ZMYND19: variants seen among roughly 807,000 people sequenced by gnomAD.
ZMYND19 encodes zinc finger MYND-type containing 19.
ZMYND19 carries 17 observed loss-of-function variants against 32.0 expected under a neutral mutation model. The ratio of observed to expected loss-of-function variants is 0.53; its 90% CI spans 0.36 to 0.80. ZMYND19 has a LOEUF of 0.80. Ranked by LOEUF, ZMYND19 falls within the 30% of genes least tolerant of loss-of-function variation. The pLI is 0.00. For missense variants in ZMYND19, 250 were observed against 293.6 expected, an observed-to-expected ratio of 0.85 and a Z score of 1.09; for synonymous variants, 124 against 113.6, an observed-to-expected ratio of 1.09 and a Z score of -0.58.
At chr9:137,588,063 A>G (rs1252943335) in intron 2 of ZMYND19, among the ~76,000 whole-genome samples, 3 of 152,222 alleles carry the variant, frequency 2.0e-5, no homozygotes, top group African/African-American at 7.2e-5. Context: ...GCAAAATACA[A>G]TGGGACATAG....
intron 3 of ZMYND19, 160 bp from the exon 4 acceptor site, chr9:137,587,267 C>A: frequency 8.1e-7 from 1 of 1,235,008 alleles, no homozygotes; most frequent in Non-Finnish European, 1.1e-6. Context: ...CAGGCGGAAG[C>A]TGCTGAGAGA....
chr9:137,586,883 G>A, intron 4 of ZMYND19, 84 bp downstream of exon 4: 1 of 1,561,556 alleles, frequency 6.4e-7, no homozygotes, highest in Non-Finnish European at 8.7e-7. Flanking sequence ...AGGAACAGGA[G>A]ACCCTCTTGG....
chr9:137,587,396 C>T (rs1842217859), intron 3 of ZMYND19: 1 of 595,230 alleles, frequency 1.7e-6, no homozygotes, highest in Non-Finnish European at 3.0e-6. Flanking sequence ...CAGATGGCCT[C>T]GAGACAGCTC....
At chr9:137,584,055 G>T (rs1385166281) in intron 4 of ZMYND19, among the ~76,000 whole-genome samples, 3 of 152,212 alleles carry the variant, frequency 2.0e-5, no homozygotes, top group Non-Finnish European at 4.4e-5. Flanking sequence ...ACCACAAAGA[G>T]CTGGATCACA....
rs1842160379 is a variant in ZMYND19 at position 137,582,662 on chromosome 9, G to A, written c.565C>T (p.Arg189Cys). The change falls in exon 6 of 6, where the codon CGC becomes TGC. Residue 189 changes from arginine (R) to cysteine (C), a missense_variant. Coordinates refer to ENST00000298585, the MANE Select transcript of ZMYND19 (RefSeq NM_138462.3). ...KQLREFNICGRCQVARYCGSQ... is the reference protein window; with the variant it reads ...KQLREFNICGCCQVARYCGSQ... ...CCGCAGTACCGGGCCACCTGGCAGC[G>A]CCCACAGATGTTGAACTCCCGGAGC... is the stretch of plus-strand genomic sequence containing the variant. 1.9e-6 allele frequency: 3 copies of A among 1,612,964 alleles called. No individual in the cohort carries two copies. The highest frequency in any genetic ancestry group is 1.3e-5 in the African/African-American group (1 of 74,948).
intron 1 of ZMYND19, chr9:137,589,042 G>A (rs924201246): frequency 9.9e-6 from 3 of 303,864 alleles, no homozygotes; most frequent in Admixed American, 4.6e-5. Context: ...ATAAACCTAG[G>A]CAAAGACTGT....
intron 3 of ZMYND19, 30 bp downstream of exon 3, chr9:137,587,687 G>T: frequency 6.3e-7 from 1 of 1,591,312 alleles, no homozygotes. Context: ...GCCCAGTGGC[G>T]GGGGGCAGAG....
rs1842160224 is a variant in ZMYND19, at chr9:137,582,647, G to A, written c.580C>T (p.Arg194Trp). 1.9e-6 allele frequency: 3 copies of A among 1,613,200 alleles called. No homozygotes were observed. The highest frequency in any genetic ancestry group is 1.1e-5 in the South Asian group (1 of 91,094). Residue 194 changes from arginine to tryptophan, a missense_variant, in exon 6 of 6, where the codon CGG becomes TGG. Coordinates refer to ENST00000298585, the MANE Select transcript of ZMYND19 (RefSeq NM_138462.3). Reference protein sequence around the residue: ...FNICGRCQVARYCGSQCQQKD... With the variant: ...FNICGRCQVAWYCGSQCQQKD... Reference sequence around the variant, plus strand: ...TGCTGGCACTGGGAGCCGCAGTACCGGGCCACCTGGCAGCGCCCACAGATG... The same window carrying A: ...TGCTGGCACTGGGAGCCGCAGTACCAGGCCACCTGGCAGCGCCCACAGATG...
In ZMYND19 at chr9:137,588,837, C is replaced by G. The variant is rs916725677; in HGVS notation, c.52-119G>C. 18 of 1,124,226 alleles carry G rather than the reference C, an allele frequency of 1.6e-5. No homozygotes were observed. In the African/African-American group the frequency reaches 2.7e-4, roughly 17 times the overall value. The allele number at this position is 1,124,226 out of a possible 1,614,324, so 69.6% of individuals were successfully genotyped here. On this transcript the variant is annotated intron_variant, in intron 1 of 5. Transcript: ENST00000298585. ...TTTCCTGTGAAGTGGAAAGTAACTA[C>G]AGGCCTCTTCAGACCAAGACAGCTC...
At chr9:137,584,813 G>A (rs1328968281) in intron 4 of ZMYND19, among the ~76,000 whole-genome samples, 2 of 152,236 alleles carry the variant, frequency 1.3e-5, no homozygotes, top group Non-Finnish European at 2.9e-5. Context: ...GCAAGTGCTA[G>A]GTAGTGCCCA....
At chr9:137,584,589 C>T (rs976447506) in intron 4 of ZMYND19, among the ~76,000 whole-genome samples, 6 of 152,168 alleles carry the variant, frequency 3.9e-5, no homozygotes, top group Admixed American at 3.3e-4. Context: ...GGCGAACTTG[C>T]GGAGTTGGGA....
At chr9:137,589,362 C>G in intron 1 of ZMYND19, 1 of 985,452 alleles carries the variant, frequency 1.0e-6, no homozygotes, top group Non-Finnish European at 1.2e-6. Flanking sequence ...GGGCCAGTCT[C>G]CCTCTTGGCA....
chr9:137,583,346 C>T (rs1032452815), intron 4 of ZMYND19, among the ~76,000 whole-genome samples, 183 bp from the exon 5 acceptor site: 1 of 152,218 alleles, frequency 6.6e-6, no homozygotes, highest in Non-Finnish European at 1.5e-5. Flanking sequence ...TGTGTCTCAT[C>T]TTCCCACTAA....
intron 1 of ZMYND19, chr9:137,589,773 C>T (rs1361737353): frequency 3.0e-6 from 3 of 985,500 alleles, no homozygotes; most frequent in Non-Finnish European, 3.6e-6. Flanking sequence ...AGACCCGCCT[C>T]GGCGAGAGGT....
rs369520869 is a variant in ZMYND19, at chr9:137,587,677, G to C, written c.218+40C>G. 7.5e-4 allele frequency: 1,193 copies of C among 1,587,484 alleles called. 2 individuals are homozygous for C. The highest frequency in any genetic ancestry group is 9.1e-4 in the Non-Finnish European group (1,048 of 1,156,442). On this transcript the variant is annotated intron_variant, in intron 3 of 5. Coordinates refer to ENST00000298585, the MANE Select transcript of ZMYND19 (RefSeq NM_138462.3). ...CTGTGCCATCGGAGCTCACCCAGGA[G>C]CCCAGTGGCGGGGGGCAGAGACAGC...
rs913603871 is a variant in ZMYND19 at position 137,590,234 on chromosome 9, C to T, written c.30G>A (p.Arg10=). MTDFKLGIV[R]LGRVAGKTKY... is the part of the protein sequence containing the mutation. ...TCACCTTCCCGGCCACCCGGCCGAG[C>T]CGCACGATACCCAATTTGAAGTCGG... The change falls in exon 1 of 6, where the codon CGG becomes CGA. Residue 10 remains arginine (R), a synonymous_variant. Coordinates refer to ENST00000298585, the MANE Select transcript of ZMYND19 (RefSeq NM_138462.3). This position sits in a 1 kb window ranked among gnomAD's most constrained non-coding sequence, Gnocchi z 4.2. 3 of 1,150,236 alleles carry T rather than the reference C, an allele frequency of 2.6e-6. No homozygotes were observed. Among genetic ancestry groups the T allele is most frequent in the Admixed American group, 3.5e-5 (1 of 28,476 alleles). 71.3% of individuals were successfully genotyped at this position (1,150,236 alleles called of 1,614,324 possible). A position where few individuals can be genotyped will look rare whatever the true frequency, so the allele number is the denominator to read the frequency against.
At chr9:137,583,828 T>C (rs1842173688) in intron 4 of ZMYND19, among the ~76,000 whole-genome samples, 1 of 152,252 alleles carries the variant, frequency 6.6e-6, no homozygotes, top group Admixed American at 6.5e-5. Flanking sequence ...TTTCAGACAC[T>C]GCTGGCTTCT....
intron 3 of ZMYND19, 193 bp from the exon 4 acceptor site, chr9:137,587,300 C>A: frequency 1.1e-6 from 1 of 907,050 alleles, no homozygotes; most frequent in Admixed American, 2.9e-5. Flanking sequence ...TGATCTGTGG[C>A]CCAAACAGGA....
intron 4 of ZMYND19, among the ~76,000 whole-genome samples, chr9:137,585,376 C>T (rs1293339153): frequency 1.4e-5 from 2 of 147,954 alleles, no homozygotes; most frequent in South Asian, 2.1e-4. Flanking sequence ...GCCAAGGTCG[C>T]GCTACTCCAG....
Sources: allele counts gnomAD v4.1 joint callset (sites outside exome capture counted in the v4.1 genomes callset), GRCh38; gene constraint gnomAD v4.1.1; non-coding constraint Gnocchi (gnomAD v3.1); transcripts MANE v1.5; gene names NCBI Gene and HGNC (gene_info 2026-07-23, HGNC 2026-07-21).